The following AGL variants were observed in gnomAD, a reference collection of about 807,000 sequenced individuals.
AGL encodes glycogen debranching enzyme.
A neutral mutation model predicts 199.3 loss-of-function variants in AGL; 128 were observed. The observed-to-expected ratio is 0.64, with a 90% CI of 0.56 to 0.74. The LOEUF (loss-of-function observed/expected upper bound fraction) is 0.74. Ranked by LOEUF, AGL falls within the 30% of genes least tolerant of loss-of-function variation. AGL has a pLI of 0.00. For missense variants in AGL, 1,809 were observed against 1,820.8 expected (o/e 0.99, Z 0.12); for synonymous variants, 584 against 594.7 (o/e 0.98, Z 0.26).
At chr1:99,895,723 C>G (rs781009605) in intron 24 of AGL, among the ~76,000 whole-genome samples, 13 of 152,092 alleles carry the variant, frequency 8.5e-5, no homozygotes, top group Non-Finnish European at 1.6e-4. Flanking sequence ...GCCTGTAATC[C>G]TAGCACTTTG....
chr1:99,876,692 C>A, intron 11 of AGL, 95 bp downstream of exon 11: 1 of 1,417,012 alleles, frequency 7.1e-7, no homozygotes, highest in Non-Finnish European at 1.0e-6. Flanking sequence ...CCCCATTAGT[C>A]TATTGGTTTT....
chr1:99,915,584 A>G (rs1317760122), intron 31 of AGL, 98 bp downstream of exon 31: 1 of 899,278 alleles, frequency 1.1e-6, no homozygotes, highest in African/African-American at 1.7e-5. Context: ...CAACAAAAGG[A>G]GATGCCATCT....
intron 17 of AGL, among the ~76,000 whole-genome samples, chr1:99,883,006 C>T (rs538472346): frequency 5.9e-5 from 9 of 152,124 alleles, no homozygotes; most frequent in African/African-American, 2.2e-4. Flanking sequence ...ACAATATTAT[C>T]TCAGGTTTTG....
intron 27 of AGL, among the ~76,000 whole-genome samples, chr1:99,908,530 T>C (rs1654497738): frequency 6.6e-6 from 1 of 152,196 alleles, no homozygotes; most frequent in Non-Finnish European, 1.5e-5. Flanking sequence ...AGATGGAATT[T>C]TCTATTTCTA....
intron 27 of AGL, among the ~76,000 whole-genome samples, chr1:99,909,122 CCACT>C (rs1456158403): frequency 6.6e-6 from 1 of 152,056 alleles, no homozygotes; most frequent in Non-Finnish European, 1.5e-5. Context: ...TCCGGACTCT[CCACT>C]CAGTCTCTGC....
chr1:99,899,610 C>T (rs180782698), intron 25 of AGL, among the ~76,000 whole-genome samples: 5 of 125,534 alleles, frequency 4.0e-5, no homozygotes, highest in Non-Finnish European at 8.6e-5. Context: ...TCTTTCTTTC[C>T]TTCTTTCTTT....
chr1:99,922,267 T>C lies in AGL; in HGVS notation c.*616T>C, dbSNP rs980677133. On this transcript the variant is annotated 3_prime_UTR_variant, in exon 34 of 34. Transcript: ENST00000361915. ...CAGTATATTTTATATGATTTACTTA[T>C]GTGAGGAAACATGCAAAGCATTAGG... 3.3e-5 allele frequency: 5 copies of C among 151,882 alleles called. No homozygotes were observed. Among genetic ancestry groups the C allele is most frequent in the South Asian group, 2.1e-4 (1 of 4,820 alleles). The allele number at this position is 151,882 out of a possible 1,614,324, so 9.4% of individuals were successfully genotyped here.
At chr1:99,914,893 A>G (rs548104261) in intron 30 of AGL, among the ~76,000 whole-genome samples, 1 of 152,176 alleles carries the variant, frequency 6.6e-6, no homozygotes, top group Non-Finnish European at 1.5e-5. Context: ...CCTGGGCAAC[A>G]TAGTGAGACT....
chr1:99,904,994 C>G (rs1039519567), intron 27 of AGL, among the ~76,000 whole-genome samples: 1 of 152,066 alleles, frequency 6.6e-6, no homozygotes, highest in African/African-American at 2.4e-5. Flanking sequence ...GATAAATGTC[C>G]AAGAATGGGA....
At position 99,886,794 on chromosome 1, in the gene AGL, T is replaced by C. The variant is rs114655734; in HGVS notation, c.2682-1184T>C. 8.4e-3 allele frequency among the ~76,000 whole-genome samples: 1,286 copies of C among 152,342 alleles called. 20 individuals are homozygous for C. The highest frequency in any genetic ancestry group is 0.03 in the African/African-American group (1,245 of 41,572). ...TTGTAAGACTTTTTATTGTTAAGGATATTAACTCCTAATTCAAACTATTCT... is the reference window on the plus strand; with the variant it reads ...TTGTAAGACTTTTTATTGTTAAGGACATTAACTCCTAATTCAAACTATTCT... On this transcript the variant is annotated intron_variant, in intron 20 of 33. Coordinates refer to ENST00000361915, the MANE Select transcript of AGL (RefSeq NM_000642.3).
At chr1:99,890,547 G>A (rs1390798783) in intron 21 of AGL, among the ~76,000 whole-genome samples, 1 of 151,900 alleles carries the variant, frequency 6.6e-6, no homozygotes, top group African/African-American at 2.4e-5. Flanking sequence ...TCTAAATGAA[G>A]TCAGTGATGC....
Position 99,880,015 on chromosome 1 carries a change from T to A in AGL, c.1704T>A (p.Val568=), listed in dbSNP as rs1252472521. 6.2e-7 allele frequency: 1 copy of A among 1,613,714 alleles called. No individual in the cohort carries two copies. Among genetic ancestry groups the A allele is most frequent in the African/African-American group, 1.3e-5 (1 of 75,040 alleles). ...TGSEDLDNVF[V]TRLGISSLIR... is the part of the protein sequence containing the mutation. ...GTGAAGATCTGGACAATGTCTTTGT[T>A]ACTAGACTGGGCATTAGTTCCTTAA... Residue 568 remains valine (V), a synonymous_variant, in exon 13 of 34, where the codon GTT becomes GTA. Transcript: ENST00000361915.
chr1:99,864,726 T>C (rs1435147077), intron 5 of AGL, 137 bp downstream of exon 5: 6 of 739,552 alleles, frequency 8.1e-6, no homozygotes, highest in Non-Finnish European at 1.3e-5. Flanking sequence ...CAAATGATGA[T>C]TAGGTGTCCT....
chr1:99,878,157 T>A (rs183663511), intron 12 of AGL, among the ~76,000 whole-genome samples: 1 of 152,260 alleles, frequency 6.6e-6, no homozygotes, highest in Non-Finnish European at 1.5e-5. Flanking sequence ...TAGGTTGCTT[T>A]CAATATATTT....
At chr1:99,876,682 C>T in intron 11 of AGL, 85 bp downstream of exon 11, 1 of 1,442,424 alleles carries the variant, frequency 6.9e-7, no homozygotes, top group African/African-American at 1.4e-5. Context: ...TGATTTTCTT[C>T]CCCATTAGTC....
chr1:99,861,349 T>C, intron 2 of AGL, 154 bp from the exon 3 acceptor site: 1 of 1,509,990 alleles, frequency 6.6e-7, no homozygotes, highest in Non-Finnish European at 8.8e-7. Flanking sequence ...TAAATTGGAA[T>C]ACAAAGTAGT....
intron 28 of AGL, 109 bp from the exon 29 acceptor site, chr1:99,912,296 A>T (rs1654802289): frequency 2.4e-6 from 2 of 826,290 alleles, no homozygotes; most frequent in Non-Finnish European, 3.9e-6. Context: ...ATTTTTTAAT[A>T]GTTTTCATAA....
intron 27 of AGL, among the ~76,000 whole-genome samples, chr1:99,903,470 C>A (rs1239622337): frequency 6.6e-6 from 1 of 152,072 alleles, no homozygotes; most frequent in Admixed American, 6.6e-5. Flanking sequence ...TGAACTCATC[C>A]TTTTTTATGG....
Position 99,884,708 on chromosome 1 carries a change from G to C in AGL, c.2681+5G>C, listed in dbSNP as rs1249689678. ...ATTAAAAATTCCTTTTGCTTCGTAA[G>C]TATGCCTTGTTTGGTAGAGATTTGC... is the stretch of plus-strand genomic sequence containing the variant. On this transcript the variant is annotated splice_donor_5th_base_variant and intron_variant, in intron 20 of 33. Coordinates refer to ENST00000361915, the MANE Select transcript of AGL (RefSeq NM_000642.3). The C allele has an allele frequency of 6.2e-7, 1 of 1,613,812 alleles. No individual in the cohort carries two copies. Among genetic ancestry groups the C allele is most frequent in the Non-Finnish European group, 8.5e-7 (1 of 1,179,872 alleles).
Sources: gnomAD v4.1 joint callset for allele counts (sites outside exome capture counted in the v4.1 genomes callset) on GRCh38, gnomAD v4.1.1 for gene constraint, MANE v1.5 for transcripts, NCBI Gene and HGNC (gene_info 2026-07-23, HGNC 2026-07-21) for gene names.